ST3GAL2: variants seen among roughly 807,000 people sequenced by gnomAD.
ST3GAL2 encodes the protein CMP-N-acetylneuraminate-beta-galactosamide-alpha-2,3-sialyltransferase 2.
A neutral mutation model predicts 37.5 loss-of-function variants in ST3GAL2; 16 were observed. That is an observed-to-expected ratio of 0.43 (90% CI 0.29 to 0.65). ST3GAL2 has a LOEUF of 0.65. Among genes scored for constraint, ST3GAL2 ranks in the 30% least tolerant of loss-of-function variants. The pLI, the probability that ST3GAL2 is intolerant of heterozygous loss-of-function variation, is 0.17. For missense variants in ST3GAL2, 383 were observed against 487.8 expected (o/e 0.79, Z 2.02); for synonymous variants, 238 against 202.9 (o/e 1.17, Z -1.47).
chr16:70,388,113 C>CAA (rs376190238), intron 4 of ST3GAL2, among the ~76,000 whole-genome samples: 7 of 105,608 alleles, frequency 6.6e-5, no homozygotes, highest in Non-Finnish European at 6.1e-5. Context: ...ATTCTGTCTC[C>CAA]AAAAAAAAAA....
chr16:70,433,130 C>A (rs1353238505), intron 1 of ST3GAL2, among the ~76,000 whole-genome samples: 2 of 152,210 alleles, frequency 1.3e-5, no homozygotes, highest in Admixed American at 1.3e-4. Context: ...AACCAGCTCT[C>A]ATCACCAGGC....
At chr16:70,412,552 G>A (rs1025374047) in intron 1 of ST3GAL2, among the ~76,000 whole-genome samples, 1 of 152,170 alleles carries the variant, frequency 6.6e-6, no homozygotes, top group Non-Finnish European at 1.5e-5. Context: ...GCTGAGGTGG[G>A]AGGATCACCT....
intron 1 of ST3GAL2, among the ~76,000 whole-genome samples, chr16:70,432,591 G>T (rs908721560): frequency 5.9e-5 from 9 of 152,200 alleles, no homozygotes; most frequent in African/African-American, 1.9e-4. Flanking sequence ...ACATAGGCAG[G>T]GGTCCCTGAT....
rs981027720 is a variant in ST3GAL2 at position 70,377,031 on chromosome 16, G to A, written c.*4658C>T. 1 of 151,646 alleles carries A rather than the reference G, an allele frequency of 6.6e-6. No individual in the cohort carries two copies. Among genetic ancestry groups the A allele is most frequent in the African/African-American group, 2.4e-5 (1 of 41,258 alleles). The allele number at this position is 151,646 out of a possible 1,614,324, so 9.4% of individuals were successfully genotyped here. ...GCTGGGATTATAGGCATGAGCCACCGTGCCTGGCCATAAAATGTTTTTAAA... is the reference window on the plus strand; with the variant it reads ...GCTGGGATTATAGGCATGAGCCACCATGCCTGGCCATAAAATGTTTTTAAA... On this transcript the variant is annotated 3_prime_UTR_variant, in exon 7 of 7. Transcript: ENST00000342907.
intron 1 of ST3GAL2, among the ~76,000 whole-genome samples, chr16:70,404,005 A>AG (rs1175616425): frequency 7.9e-5 from 12 of 152,182 alleles, no homozygotes; most frequent in Non-Finnish European, 1.5e-5. Flanking sequence ...GAAAAAAAAA[A>AG]GAAAGTTTTT....
At chr16:70,422,731 A>G (rs1292117725) in intron 1 of ST3GAL2, among the ~76,000 whole-genome samples, 1 of 152,196 alleles carries the variant, frequency 6.6e-6, no homozygotes, top group East Asian at 1.9e-4. Context: ...CAGAGACCCC[A>G]GCAAAGTGAC....
intron 3 of ST3GAL2, among the ~76,000 whole-genome samples, chr16:70,391,863 C>T (rs559998672): frequency 2.4e-4 from 36 of 152,360 alleles, no homozygotes; most frequent in African/African-American, 8.7e-4. Flanking sequence ...CTCGCCTCAG[C>T]CTCCCAATGT....
Position 70,381,462 on chromosome 16 carries a change from C to G in ST3GAL2, c.*227G>C, listed in dbSNP as rs1278596681. ...GATTGGAGGAGACTGGACACAGCGC[C>G]GGAAGTTTTCCTTGAGTCACATGAT... On this transcript the variant is annotated 3_prime_UTR_variant, in exon 7 of 7. Coordinates refer to ENST00000342907, the MANE Select transcript of ST3GAL2 (RefSeq NM_006927.4). The G allele has an allele frequency of 1.7e-6, 1 of 585,284 alleles. No homozygotes were observed. Among genetic ancestry groups the G allele is most frequent in the African/African-American group, 1.9e-5 (1 of 53,128 alleles). 36.3% of individuals were successfully genotyped at this position (585,284 alleles called of 1,614,324 possible).
At chr16:70,390,832 G>A (rs1278628504) in intron 3 of ST3GAL2, among the ~76,000 whole-genome samples, 2 of 152,186 alleles carry the variant, frequency 1.3e-5, no homozygotes, top group African/African-American at 4.8e-5. Context: ...CGTAACAGGT[G>A]AACCAGGTTT....
Position 70,380,769 on chromosome 16 carries a change from C to G in ST3GAL2, c.*920G>C, listed in dbSNP as rs1489226856. On this transcript the variant is annotated 3_prime_UTR_variant, in exon 7 of 7. Coordinates refer to ENST00000342907, the MANE Select transcript of ST3GAL2 (RefSeq NM_006927.4). ...TGGGTGGAGGAGGAGGTACATGCAGCGGGCAGCCGGGCCCATAGCCAGCCT... is the reference window on the plus strand; with the variant it reads ...TGGGTGGAGGAGGAGGTACATGCAGGGGGCAGCCGGGCCCATAGCCAGCCT... 6.5e-6 allele frequency: 1 copy of G among 152,968 alleles called. No homozygotes were observed. The highest frequency in any genetic ancestry group is 2.4e-5 in the African/African-American group (1 of 41,608). The allele number at this position is 152,968 out of a possible 1,614,324, so 9.5% of individuals were successfully genotyped here.
intron 3 of ST3GAL2, among the ~76,000 whole-genome samples, chr16:70,393,238 C>A (rs1170018128): frequency 6.6e-6 from 1 of 152,026 alleles, no homozygotes; most frequent in East Asian, 1.9e-4. Context: ...CCACCACGCC[C>A]AGCTAATTTT....
At chr16:70,412,289 A>G (rs2047643519) in intron 1 of ST3GAL2, among the ~76,000 whole-genome samples, 1 of 152,148 alleles carries the variant, frequency 6.6e-6, no homozygotes, top group African/African-American at 2.4e-5. Context: ...TGTTGATAAG[A>G]TATTATTTGT....
Position 70,381,626 on chromosome 16 carries a change from G to C in ST3GAL2, c.*63C>G. On this transcript the variant is annotated 3_prime_UTR_variant, in exon 7 of 7. Coordinates refer to ENST00000342907, the MANE Select transcript of ST3GAL2 (RefSeq NM_006927.4). ...TGATTGGTCGCGGGTTGCTGGTCCT[G>C]GGTCCCGGGCCGGAGCCCCGGTGCC... is the stretch of plus-strand genomic sequence containing the variant. 2 of 1,571,786 alleles carry C rather than the reference G, an allele frequency of 1.3e-6. No individual in the cohort carries two copies. The highest frequency in any genetic ancestry group is 8.6e-7 in the Non-Finnish European group (1 of 1,159,404).
In ST3GAL2 at chr16:70,426,607, G is replaced by A. The variant is rs902331579; in HGVS notation, c.-1004+12342C>T. Among the ~76,000 whole-genome samples, 15 of 151,750 alleles carry A rather than the reference G, an allele frequency of 9.9e-5. No individual in the cohort carries two copies. In the South Asian group the frequency reaches 2.5e-3, roughly 25 times the overall value. On this transcript the variant is annotated intron_variant, in intron 1 of 6. Transcript: ENST00000342907. ...GCTCACCACAACCTCTGCCTCCCGG[G>A]TTCAAGCGATTCTCCTGCCTCAGCC...
At chr16:70,432,078 A>G (rs1400312742) in intron 1 of ST3GAL2, among the ~76,000 whole-genome samples, 1 of 151,858 alleles carries the variant, frequency 6.6e-6, no homozygotes, top group Non-Finnish European at 1.5e-5. Flanking sequence ...CTTGAGCCCA[A>G]GAGTTCAAGG....
At chr16:70,414,049 ATG>A (rs2047658520) in intron 1 of ST3GAL2, among the ~76,000 whole-genome samples, 1 of 152,226 alleles carries the variant, frequency 6.6e-6, no homozygotes, top group African/African-American at 2.4e-5. Context: ...GGAGGCGTAC[ATG>A]AATATATTTT....
chr16:70,417,933 C>T lies in ST3GAL2; in HGVS notation c.-1003-18400G>A, dbSNP rs113728691. On this transcript the variant is annotated intron_variant, in intron 1 of 6. Coordinates refer to ENST00000342907, the MANE Select transcript of ST3GAL2 (RefSeq NM_006927.4). The stretch of plus-strand genomic sequence containing the variant: ...GTGAAGGGACTAAGGTGCTGACAGT[C>T]CGCTCTGATTTCTTTTAAAGATAGG... 6.0e-3 allele frequency among the ~76,000 whole-genome samples: 917 copies of T among 152,256 alleles called. 8 individuals are homozygous for T. The highest frequency in any genetic ancestry group is 9.9e-3 in the Non-Finnish European group (671 of 68,016).
intron 1 of ST3GAL2, among the ~76,000 whole-genome samples, chr16:70,413,643 G>A (rs1326702430): frequency 6.6e-6 from 1 of 150,832 alleles, no homozygotes; most frequent in Non-Finnish European, 1.5e-5. Context: ...GGCTGAGGCA[G>A]GAGAATTGCT....
At chr16:70,394,887 C>T in intron 3 of ST3GAL2, 95 bp downstream of exon 3, 3 of 1,414,228 alleles carry the variant, frequency 2.1e-6, no homozygotes, top group Non-Finnish European at 2.9e-6. Context: ...ACACCGGTAG[C>T]TGGCAGCATG....
Sources: gnomAD v4.1 joint callset for allele counts (sites outside exome capture counted in the v4.1 genomes callset) on GRCh38, gnomAD v4.1.1 for gene constraint, MANE v1.5 for transcripts, NCBI Gene and HGNC (gene_info 2026-07-23, HGNC 2026-07-21) for gene names.